NIPSNAP3A: variants seen among roughly 807,000 people sequenced by gnomAD.
NIPSNAP3A encodes the protein protein NipSnap homolog 3A.
In NIPSNAP3A, 27 loss-of-function variants were observed where a neutral mutation model predicts 32.3. The observed-to-expected ratio is 0.84, with a 90% CI of 0.62 to 1.15. The LOEUF is 1.15. Among genes scored for constraint, NIPSNAP3A ranks in the 50% most tolerant of loss-of-function variants. The probability of loss-of-function intolerance (pLI) is 0.00; values close to 1 mark genes in which losing one functional copy is unlikely to be tolerated. For synonymous variants in NIPSNAP3A, 108 were observed against 107.3 expected, an observed-to-expected ratio of 1.01 and a Z score of -0.04; for missense variants, 278 against 297.2, an observed-to-expected ratio of 0.94 and a Z score of 0.48.
rs375718844 is a variant in NIPSNAP3A at position 104,751,197 on chromosome 9, A to G, written c.271+31A>G. On this transcript the variant is annotated intron_variant, in intron 2 of 5. Coordinates refer to ENST00000374767, the MANE Select transcript of NIPSNAP3A (RefSeq NM_015469.3). ...GAGTCATCCAATTTTGGCTTTCAGT[A>G]TAGATTTTCATTTTTCAGTATAGAT... 44 of 1,541,776 alleles carry G rather than the reference A, an allele frequency of 2.9e-5. No homozygotes were observed. The African/African-American group carries it at 3.0e-4, about 10-fold the overall frequency.
At chr9:104,754,817 GT>G (rs1445512329) in intron 4 of NIPSNAP3A, 117 bp downstream of exon 4, 1 of 782,448 alleles carries the variant, frequency 1.3e-6, no homozygotes, top group Admixed American at 2.8e-5. Flanking sequence ...CAAATGTTTA[GT>G]TTTTTGTAAT....
In NIPSNAP3A at chr9:104,759,337, A is replaced by C. The variant is rs576419804; in HGVS notation, c.743A>C (p.Ter248SerextTer18). The change falls in exon 6 of 6, where the codon TAG (stop) becomes TCG (serine). Residue 248 changes from the stop codon to serine (S), a stop_lost. Transcript: ENST00000374767. ...CCTACATCGTTTTCACCACTGAAAT[A>C]GTTTTCTACTGAAATACAAAACATT... is the stretch of plus-strand genomic sequence containing the variant. ...LIPTSFSPLK[*>S] The C allele has an allele frequency of 3.7e-6, 6 of 1,609,994 alleles. No homozygotes were observed. The highest frequency in any genetic ancestry group is 3.3e-5 in the Admixed American group (2 of 59,998).
chr9:104,759,013 A>C, intron 4 of NIPSNAP3A, 72 bp from the exon 5 acceptor site: 17 of 621,940 alleles, frequency 2.7e-5, no homozygotes, highest in Non-Finnish European at 4.3e-5. Context: ...GATGGGTTTG[A>C]TTCATTTTTC....
rs1216122327 is a variant in NIPSNAP3A, at chr9:104,759,116, T to C, written c.612T>C (p.Asp204=). The change falls in exon 5 of 6, where the codon GAT becomes GAC. Residue 204 remains aspartate (D), a synonymous_variant. Transcript: ENST00000374767. ...VHVLWWNESA[D]SRAAGRHKSH... ...TTCTTTGGTGGAATGAGAGTGCAGA[T>C]AGTCGTGCAGCTGGGAGACATAAGT... 2.5e-6 allele frequency: 4 copies of C among 1,613,064 alleles called. No homozygotes were observed. Among genetic ancestry groups the C allele is most frequent in the East Asian group, 4.5e-5 (2 of 44,876 alleles).
Position 104,754,424 on chromosome 9 carries a change from A to G in NIPSNAP3A, c.431-127A>G, listed in dbSNP as rs1451009010. On this transcript the variant is annotated intron_variant, in intron 3 of 5. Transcript: ENST00000374767. ...GAGTGCAAATATAATAAACATGTCT[A>G]CATAATATGTATGCATGTCTGATCC... is the stretch of plus-strand genomic sequence containing the variant. 3 of 743,906 alleles carry G rather than the reference A, an allele frequency of 4.0e-6. No homozygotes were observed. The African/African-American group carries it at 5.3e-5, about 13-fold the overall frequency. 46.1% of individuals were successfully genotyped at this position (743,906 alleles called of 1,614,324 possible).
chr9:104,755,052 A>C (rs1373824454), intron 4 of NIPSNAP3A, among the ~76,000 whole-genome samples: 1 of 151,922 alleles, frequency 6.6e-6, no homozygotes, highest in African/African-American at 2.4e-5. Flanking sequence ...CCAGCCTGGC[A>C]AACATGGTGA....
intron 4 of NIPSNAP3A, among the ~76,000 whole-genome samples, chr9:104,755,751 A>G (rs1827898889): frequency 6.6e-6 from 1 of 151,434 alleles, no homozygotes; most frequent in African/African-American, 2.4e-5. Context: ...GCTTGTCTCT[A>G]CAAAAAAAAT....
intron 2 of NIPSNAP3A, among the ~76,000 whole-genome samples, chr9:104,751,607 T>C (rs1827849854): frequency 6.6e-6 from 1 of 152,218 alleles, no homozygotes; most frequent in South Asian, 2.1e-4. Context: ...ATCAGTATTT[T>C]AGCAGAAATA....
Position 104,759,616 on chromosome 9 carries a change from T to G in NIPSNAP3A, c.*278T>G, listed in dbSNP as rs192769781. 7.6e-5 allele frequency: 30 copies of G among 393,396 alleles called. No homozygotes were observed. In the Admixed American group the frequency reaches 8.1e-4, roughly 11 times the overall value. 24.4% of individuals were successfully genotyped at this position (393,396 alleles called of 1,614,324 possible). On this transcript the variant is annotated 3_prime_UTR_variant, in exon 6 of 6. Transcript: ENST00000374767. ...CTCTTCATTTGTTTCAGAATAGCTC[T>G]TCTACTGTATTCTGACAACTCTTTG...
rs891794790 is a variant in NIPSNAP3A, at chr9:104,752,934, G to C, written c.300G>C (p.Arg100=). 1.2e-6 allele frequency: 2 copies of C among 1,613,376 alleles called. No homozygotes were observed. Among genetic ancestry groups the C allele is most frequent in the Non-Finnish European group, 1.7e-6 (2 of 1,179,464 alleles). The change falls in exon 3 of 6, where the codon CGG becomes CGC. Residue 100 remains arginine, a synonymous_variant. Coordinates refer to ENST00000374767, the MANE Select transcript of NIPSNAP3A (RefSeq NM_015469.3). ...ATTTTGCTCATCGAACTGAAGTTCG[G>C]AAAGCCTTGGCCAAAGATAAGGAAT... ...YDNFAHRTEV[R]KALAKDKEWQ...
chr9:104,756,921 A>G (rs1268726183), intron 4 of NIPSNAP3A, among the ~76,000 whole-genome samples: 3 of 147,130 alleles, frequency 2.0e-5, no homozygotes, highest in Non-Finnish European at 4.4e-5. Context: ...CTCCTGCCTC[A>G]GCCTCCCAAG....
chr9:104,757,643 T>G (rs919434515), intron 4 of NIPSNAP3A, among the ~76,000 whole-genome samples: 3 of 152,226 alleles, frequency 2.0e-5, no homozygotes, highest in Admixed American at 2.0e-4. Context: ...ATGACCTTCT[T>G]TATGTAATAC....
rs1827789483 is a variant in NIPSNAP3A, at chr9:104,747,726, G to C, written c.-67G>C. 2.7e-6 allele frequency: 4 copies of C among 1,499,194 alleles called. No individual in the cohort carries two copies. The highest frequency in any genetic ancestry group is 3.6e-6 in the Non-Finnish European group (4 of 1,096,428). 92.9% of individuals were successfully genotyped at this position (1,499,194 alleles called of 1,614,324 possible). On this transcript the variant is annotated 5_prime_UTR_variant, in exon 1 of 6. Transcript: ENST00000374767. ...ATCCAGGAGCCGCTCCTTTCCACTC[G>C]GGAAACCTTCAGAGGAGTCTCAGAA...
chr9:104,747,998 C>CCCCTGAACCCCAAGACAGGGGTA, intron 1 of NIPSNAP3A, 146 bp downstream of exon 1: 2 of 684,356 alleles, frequency 2.9e-6, no homozygotes, highest in Admixed American at 6.1e-5. Context: ...CTAGCGTGAG[C>CCCCTGAACCCCAAGACAGGGGTA]CCCGGAACCC....
At chr9:104,756,055 AT>A (rs1827902407) in intron 4 of NIPSNAP3A, among the ~76,000 whole-genome samples, 1 of 152,180 alleles carries the variant, frequency 6.6e-6, no homozygotes, top group Non-Finnish European at 1.5e-5. Flanking sequence ...TAATATACCC[AT>A]CTTTATGCAG....
At chr9:104,754,815 T>C (rs1056740452) in intron 4 of NIPSNAP3A, 115 bp downstream of exon 4, 1 of 790,094 alleles carries the variant, frequency 1.3e-6, no homozygotes, top group Non-Finnish European at 2.0e-6. Flanking sequence ...GCCAAATGTT[T>C]AGTTTTTTGT....
chr9:104,755,545 A>G (rs894360794), intron 4 of NIPSNAP3A, among the ~76,000 whole-genome samples: 3 of 152,156 alleles, frequency 2.0e-5, no homozygotes, highest in African/African-American at 7.2e-5. Context: ...GGGGTATTTA[A>G]CTTGTAATGT....
intron 1 of NIPSNAP3A, 103 bp downstream of exon 1, chr9:104,747,955 A>G: frequency 8.5e-7 from 1 of 1,180,290 alleles, no homozygotes. Flanking sequence ...GCTCTCCGCC[A>G]CGCGCGCCCA....
chr9:104,754,661 G>C lies in NIPSNAP3A; in HGVS notation c.541G>C (p.Val181Leu), dbSNP rs145248604. ...AHVNLGYTKL[V>L]GVFHTEYGAL... ...TGTCAATCTAGGCTACACAAAACTA[G>C]TTGGAGTGTTCCACACAGAGTACGG... Residue 181 changes from valine to leucine, a missense_variant, in exon 4 of 6, where the codon GTT becomes CTT. Val to Leu is a conservative substitution (Grantham distance 32, BLOSUM62 1). Transcript: ENST00000374767. 15 of 1,613,888 alleles carry C rather than the reference G, an allele frequency of 9.3e-6. No homozygotes were observed. The African/African-American group carries it at 1.9e-4, about 20-fold the overall frequency.
Sources: gnomAD v4.1 joint callset for allele counts (sites outside exome capture counted in the v4.1 genomes callset) on GRCh38, gnomAD v4.1.1 for gene constraint, MANE v1.5 for transcripts, NCBI Gene and HGNC (gene_info 2026-07-23, HGNC 2026-07-21) for gene names.